MYL12A: variants seen among roughly 807,000 people sequenced by gnomAD.
MYL12A encodes myosin light chain 12A.
MYL12A carries 11 observed loss-of-function variants against 13.3 expected under a neutral mutation model. The ratio of observed to expected loss-of-function variants is 0.83; its 90% CI spans 0.52 to 1.37. The LOEUF is 1.37. Among genes scored for constraint, MYL12A ranks in the 40% most tolerant of loss-of-function variants. The pLI, the probability that MYL12A is intolerant of heterozygous loss-of-function variation, is 0.00. For synonymous variants in MYL12A, 51 were observed against 69.9 expected, an observed-to-expected ratio of 0.73 and a Z score of 1.35; for missense variants, 146 against 212.3, an observed-to-expected ratio of 0.69 and a Z score of 1.94.
At chr18:3,253,044 TGTTA>T (rs899484070) in intron 1 of MYL12A, among the ~76,000 whole-genome samples, 185 bp from the exon 2 acceptor site, 1 of 152,120 alleles carries the variant, frequency 6.6e-6, no homozygotes, top group African/African-American at 2.4e-5. Context: ...TATCAGCTGT[TGTTA>T]GTTATATAGC....
At chr18:3,250,468 A>G (rs1192429798) in intron 1 of MYL12A, among the ~76,000 whole-genome samples, 2 of 151,980 alleles carry the variant, frequency 1.3e-5, no homozygotes. Context: ...TTCTCCCCAC[A>G]CTTTTAGTTT....
chr18:3,251,068 A>C (rs1185838098), intron 1 of MYL12A, among the ~76,000 whole-genome samples: 4 of 152,094 alleles, frequency 2.6e-5, no homozygotes. Flanking sequence ...TTAACTTCAT[A>C]ATAAAATTGA....
At position 3,253,831 on chromosome 18, in the gene MYL12A, T is replaced by C. The variant is rs1598798284; in HGVS notation, c.182-58T>C. ...TTTGTTACCAAAATGTTTACTGTCATTAATAGTTGATATGTATTGTAATGT... is the reference window on the plus strand; with the variant it reads ...TTTGTTACCAAAATGTTTACTGTCACTAATAGTTGATATGTATTGTAATGT... On this transcript the variant is annotated intron_variant, in intron 2 of 3. Transcript: ENST00000217652. The C allele has an allele frequency of 2.2e-5, 33 of 1,500,840 alleles. No individual in the cohort carries two copies. The East Asian group carries it at 7.5e-4, about 34-fold the overall frequency. 93.0% of individuals were successfully genotyped at this position (1,500,840 alleles called of 1,614,324 possible).
intron 3 of MYL12A, among the ~76,000 whole-genome samples, chr18:3,254,287 C>A (rs559038408): frequency 5.9e-5 from 9 of 152,220 alleles, no homozygotes; most frequent in African/African-American, 2.2e-4. Flanking sequence ...CCCTTTCCTA[C>A]CATGTTAACT....
At chr18:3,253,180 T>TTAC in intron 1 of MYL12A, 53 bp from the exon 2 acceptor site, 1 of 1,530,366 alleles carries the variant, frequency 6.5e-7, no homozygotes, top group Non-Finnish European at 8.9e-7. Flanking sequence ...GATTCAAACT[T>TTAC]AAGTAATCTT....
chr18:3,248,784 G>A (rs996008671), intron 1 of MYL12A: 2 of 152,192 alleles, frequency 1.3e-5, no homozygotes, highest in Non-Finnish European at 1.5e-5. Context: ...TTTTGGGTGT[G>A]GCAGTCCAAG....
chr18:3,255,902 A>C lies in MYL12A; in HGVS notation c.500A>C (p.Lys167Thr). The change falls in exon 4 of 4, where the codon AAA becomes ACA. Residue 167 changes from lysine to threonine, a missense_variant. Coordinates refer to ENST00000217652, the MANE Select transcript of MYL12A (RefSeq NM_006471.4). ...ACACGCATCCTGAAACATGGAGCCA[A>C]AGACAAAGATGACTGAAATAACTTC... ...EFTRILKHGA[K>T]DKDD is the part of the protein sequence containing the mutation. 6.2e-7 allele frequency: 1 copy of C among 1,613,528 alleles called. No individual in the cohort carries two copies. The highest frequency in any genetic ancestry group is 2.2e-5 in the East Asian group (1 of 44,864).
intron 1 of MYL12A, chr18:3,252,177 C>T (rs183349480): frequency 2.8e-4 from 166 of 590,062 alleles, no homozygotes; most frequent in African/African-American, 2.6e-3. Context: ...GTTTTCAGAA[C>T]GTAAGCTTTA....
intron 3 of MYL12A, among the ~76,000 whole-genome samples, chr18:3,255,095 C>T (rs1019756278): frequency 6.6e-6 from 1 of 152,230 alleles, no homozygotes; most frequent in African/African-American, 2.4e-5. Flanking sequence ...CACTGCACAT[C>T]CCCACTGCCC....
chr18:3,250,132 G>A (rs139927387), intron 1 of MYL12A, among the ~76,000 whole-genome samples: 1,934 of 151,944 alleles, frequency 0.013, 42 homozygotes, highest in African/African-American at 0.044. Flanking sequence ...TAAATGACGA[G>A]TTAATGGGTG....
At chr18:3,255,702 C>T (rs12606445) in intron 3 of MYL12A, 44 bp from the exon 4 acceptor site, 217,511 of 1,568,550 alleles carry the variant, frequency 0.14, 16,132 homozygotes, top group East Asian at 0.26. Context: ...GTAATTAACC[C>T]TCAGAATAGT....
intron 1 of MYL12A, chr18:3,248,601 G>GTTTCA (rs1168934841): frequency 6.6e-6 from 1 of 152,198 alleles, no homozygotes; most frequent in African/African-American, 2.4e-5. Flanking sequence ...AGTGCAAAAA[G>GTTTCA]TTTCATATTT....
Position 3,253,869 on chromosome 18 carries a change from G to C in MYL12A, c.182-20G>C. The C allele has an allele frequency of 6.3e-7, 1 of 1,586,556 alleles. No individual in the cohort carries two copies. Among genetic ancestry groups the C allele is most frequent in the Non-Finnish European group, 8.5e-7 (1 of 1,170,310 alleles). On this transcript the variant is annotated intron_variant, in intron 2 of 3. Transcript: ENST00000217652. ...TGTATTGTAATGTAATTAAAATTAT[G>C]ACCCCTTTTAAAAATTTAGGGAAGA...
chr18:3,249,831 C>T (rs79336991), intron 1 of MYL12A: 6,510 of 152,124 alleles, frequency 0.043, 198 homozygotes, highest in East Asian at 0.12. Context: ...TGCTTGAACC[C>T]TGGAGGTGGA....
upstream of MYL12A, chr18:3,247,785 T>G (rs1339861264): frequency 6.6e-6 from 1 of 152,240 alleles, no homozygotes; most frequent in Non-Finnish European, 1.5e-5. Flanking sequence ...GTGACCGGGC[T>G]TCCTTCCGGC....
At chr18:3,253,099 A>G in intron 1 of MYL12A, 134 bp from the exon 2 acceptor site, 1 of 932,416 alleles carries the variant, frequency 1.1e-6, no homozygotes, top group Non-Finnish European at 1.6e-6. Flanking sequence ...GTGTCTTCTA[A>G]AGACACATTT....
intron 1 of MYL12A, among the ~76,000 whole-genome samples, chr18:3,252,066 C>CT (rs1390446837): frequency 2.0e-5 from 3 of 152,174 alleles, no homozygotes; most frequent in Admixed American, 2.0e-4. Context: ...CTTAGGGTCA[C>CT]TTTGGAGTGC....
chr18:3,251,426 A>G (rs2081484527), intron 1 of MYL12A, among the ~76,000 whole-genome samples: 1 of 152,190 alleles, frequency 6.6e-6, no homozygotes, highest in Non-Finnish European at 1.5e-5. Context: ...GGGAAAGACA[A>G]TGTTGTCACA....
intron 2 of MYL12A, 144 bp downstream of exon 2, chr18:3,253,572 G>A: frequency 3.0e-6 from 3 of 1,005,564 alleles, no homozygotes; most frequent in East Asian, 2.6e-5. Flanking sequence ...GTTTCCCACC[G>A]GATCACCAGC....
Sources: allele counts gnomAD v4.1 joint callset (sites outside exome capture counted in the v4.1 genomes callset), GRCh38; gene constraint gnomAD v4.1.1; transcripts MANE v1.5; gene names NCBI Gene and HGNC (gene_info 2026-07-23, HGNC 2026-07-21).